Variants in ADCY2 observed in about 807,000 individuals in gnomAD.
ADCY2 encodes adenylate cyclase 2, also known as adenylate cyclase type 2.
In ADCY2, 31 loss-of-function variants were observed where a neutral mutation model predicts 125.2. The ratio of observed to expected loss-of-function variants is 0.25; its 90% confidence interval spans 0.19 to 0.33. The LOEUF (loss-of-function observed/expected upper bound fraction) is 0.33. ADCY2 is among the 10% of genes least tolerant of loss of function. The pLI, the probability that ADCY2 is intolerant of heterozygous loss-of-function variation, is 1.00. For synonymous variants in ADCY2, 512 were observed against 548.4 expected (o/e 0.93, Z 0.93); for missense variants, 904 against 1,418.2 (o/e 0.64, Z 5.82).
At chr5:7,463,679 A>C (rs2126443605) in intron 2 of ADCY2, among the ~76,000 whole-genome samples, 1 of 152,120 alleles carries the variant, frequency 6.6e-6, no homozygotes, top group Middle Eastern at 3.4e-3. Flanking sequence ...AAGCATGTAA[A>C]TGTCTCTATA....
At chr5:7,815,417 G>GGCCCAGCA (rs1745077833) in intron 22 of ADCY2, among the ~76,000 whole-genome samples, 1 of 152,130 alleles carries the variant, frequency 6.6e-6, no homozygotes. Context: ...AAACCCCGAA[G>GGCCCAGCA]GCCCAGCAGC....
At chr5:7,790,544 A>G (rs1476209904) in intron 20 of ADCY2, among the ~76,000 whole-genome samples, 3 of 152,268 alleles carry the variant, frequency 2.0e-5, no homozygotes, top group Non-Finnish European at 4.4e-5. Flanking sequence ...CGTGAGAAAC[A>G]TGTATCTGAG....
chr5:7,413,644 C>T (rs1739818209), intron 1 of ADCY2, among the ~76,000 whole-genome samples: 1 of 149,304 alleles, frequency 6.7e-6, no homozygotes, highest in Admixed American at 6.7e-5. Context: ...CTGTTAACTA[C>T]ACATGTTTGG....
intron 2 of ADCY2, among the ~76,000 whole-genome samples, chr5:7,436,724 G>A (rs974376751): frequency 6.6e-6 from 1 of 152,216 alleles, no homozygotes; most frequent in Admixed American, 6.5e-5. Flanking sequence ...GCATCATCGC[G>A]GCACTCTTGT....
At chr5:7,680,758 T>C (rs1447307326) in intron 4 of ADCY2, among the ~76,000 whole-genome samples, 1 of 152,250 alleles carries the variant, frequency 6.6e-6, no homozygotes, top group Non-Finnish European at 1.5e-5. Context: ...TCTTAAATTC[T>C]GTAAGCTCTA....
At chr5:7,798,800 C>T (rs1744505937) in intron 20 of ADCY2, 1 of 152,078 alleles carries the variant, frequency 6.6e-6, no homozygotes, top group Non-Finnish European at 1.5e-5. Context: ...ATCTCCTGAC[C>T]TCCTGATCTG....
At position 7,599,534 on chromosome 5, in the gene ADCY2, GC is replaced by G. The variant is rs772870802; in HGVS notation, c.571-26631del. Reference sequence around the variant, plus strand: ...GTCCATATTCTAGAATGTGCGTGAGGCCACCAGGTAGATAGCAGGCAGCTGG... The same window carrying G: ...GTCCATATTCTAGAATGTGCGTGAGGCACCAGGTAGATAGCAGGCAGCTGG... On this transcript the variant is annotated intron_variant, in intron 3 of 24. Coordinates refer to ENST00000338316, the MANE Select transcript of ADCY2 (RefSeq NM_020546.3). 1.1e-4 allele frequency among the ~76,000 whole-genome samples: 17 copies of G among 152,106 alleles called. 1 individual carries two copies. Among genetic ancestry groups the G allele is most frequent in the Non-Finnish European group, 1.9e-4 (13 of 68,022 alleles).
rs1330218420 is a variant in ADCY2, at chr5:7,762,644, T to G, written c.2095-4043T>G. On this transcript the variant is annotated intron_variant, in intron 16 of 24. Coordinates refer to ENST00000338316, the MANE Select transcript of ADCY2 (RefSeq NM_020546.3). ...TTCAATGGTCCCAGGGTTGTTTCCC[T>G]TTTTACCTAGTCCCACTTTAACCTG... is the stretch of plus-strand genomic sequence containing the variant. 2.0e-5 allele frequency among the ~76,000 whole-genome samples: 3 copies of G among 152,230 alleles called. No homozygotes were observed. In the East Asian group the frequency reaches 5.8e-4, roughly 29 times the overall value.
chr5:7,436,484 C>T (rs1331704121), intron 2 of ADCY2, among the ~76,000 whole-genome samples: 1 of 152,184 alleles, frequency 6.6e-6, no homozygotes, highest in Non-Finnish European at 1.5e-5. Context: ...TTGTCCCACT[C>T]AACAATTTAA....
chr5:7,503,723 G>A (rs1743687443), intron 2 of ADCY2, among the ~76,000 whole-genome samples: 1 of 152,204 alleles, frequency 6.6e-6, no homozygotes, highest in Non-Finnish European at 1.5e-5. Context: ...ACGCAGCTGT[G>A]GTGAAATGGA....
intron 3 of ADCY2, among the ~76,000 whole-genome samples, chr5:7,568,056 G>T (rs1338543662): frequency 6.6e-6 from 1 of 151,880 alleles, no homozygotes; most frequent in East Asian, 1.9e-4. Context: ...ACAACATTCT[G>T]GGTTTTGTTT....
intron 21 of ADCY2, among the ~76,000 whole-genome samples, chr5:7,803,187 G>A (rs527284749): frequency 6.6e-6 from 1 of 152,284 alleles, no homozygotes; most frequent in South Asian, 2.1e-4. Context: ...GATTACCACT[G>A]TGATCCTGGG....
intron 4 of ADCY2, among the ~76,000 whole-genome samples, chr5:7,635,109 G>A (rs183636712): frequency 6.6e-6 from 1 of 152,286 alleles, no homozygotes; most frequent in African/African-American, 2.4e-5. Context: ...GGGGAGAGAG[G>A]CAGGAGCCAG....
intron 2 of ADCY2, among the ~76,000 whole-genome samples, chr5:7,421,080 C>A (rs564871995): frequency 2.0e-5 from 3 of 152,118 alleles, no homozygotes; most frequent in Non-Finnish European, 4.4e-5. Flanking sequence ...TGCTGTGGCG[C>A]CCACCAGTCC....
chr5:7,460,200 C>T (rs1277573668), intron 2 of ADCY2, among the ~76,000 whole-genome samples: 1 of 152,008 alleles, frequency 6.6e-6, no homozygotes, highest in African/African-American at 2.4e-5. Flanking sequence ...AAGCAGGGAT[C>T]ATTTAAAAAT....
intron 2 of ADCY2, among the ~76,000 whole-genome samples, chr5:7,501,366 T>A (rs192517714): frequency 6.6e-6 from 1 of 152,176 alleles, no homozygotes; most frequent in African/African-American, 2.4e-5. Context: ...ATTAACAACC[T>A]TGAGGCATAA....
rs189969018 is a variant in ADCY2, at chr5:7,680,220, G to T, written c.721-10471G>T. Among the ~76,000 whole-genome samples, 859 of 152,250 alleles carry T rather than the reference G, an allele frequency of 5.6e-3. 4 individuals carry two copies. The highest frequency in any genetic ancestry group is 0.013 in the Admixed American group (196 of 15,292). ...TGGATTGTCATAAAAGGGGTTGGGGGTCTTGCTGACCTCTGGTGGGTAAAG... is the reference window on the plus strand; with the variant it reads ...TGGATTGTCATAAAAGGGGTTGGGGTTCTTGCTGACCTCTGGTGGGTAAAG... On this transcript the variant is annotated intron_variant, in intron 4 of 24. Transcript: ENST00000338316.
chr5:7,586,263 G>A (rs922133027), intron 3 of ADCY2, among the ~76,000 whole-genome samples: 2 of 152,104 alleles, frequency 1.3e-5, no homozygotes, highest in Non-Finnish European at 2.9e-5. Context: ...TTAATCCATG[G>A]CAAGCTGATC....
At chr5:7,820,712 C>T (rs749141316) in intron 24 of ADCY2, 23 bp downstream of exon 24, 23 of 1,606,700 alleles carry the variant, frequency 1.4e-5, no homozygotes, top group African/African-American at 5.4e-5. Flanking sequence ...GTGGTCTGCG[C>T]TGCCTGCATC....
Sources: allele counts gnomAD v4.1 joint callset (sites outside exome capture counted in the v4.1 genomes callset), GRCh38; gene constraint gnomAD v4.1.1; transcripts MANE v1.5; gene names NCBI Gene and HGNC (gene_info 2026-07-23, HGNC 2026-07-21).